Variants in POC1A observed in about 807,000 individuals in gnomAD.
POC1A encodes POC1 centriolar protein homolog A.
A neutral mutation model predicts 47.8 loss-of-function variants in POC1A; 34 were observed. That is an observed-to-expected ratio of 0.71 (90% CI 0.54 to 0.95). The LOEUF (loss-of-function observed/expected upper bound fraction) is 0.95, where lower values mean the gene tolerates loss of function less well. POC1A is among the 40% of genes least tolerant of loss of function. The pLI, the probability that POC1A is intolerant of heterozygous loss-of-function variation, is 0.00. For synonymous variants in POC1A, 177 were observed against 207.6 expected, an observed-to-expected ratio of 0.85 and a Z score of 1.27; for missense variants, 466 against 528.3, an observed-to-expected ratio of 0.88 and a Z score of 1.16.
At chr3:52,110,381 C>T (rs757102930) in intron 9 of POC1A, among the ~76,000 whole-genome samples, 3 of 152,256 alleles carry the variant, frequency 2.0e-5, no homozygotes, top group Non-Finnish European at 4.4e-5. Context: ...AGGATGAGCG[C>T]AACAACACTA....
chr3:52,105,933 G>A (rs113373181), intron 9 of POC1A, among the ~76,000 whole-genome samples: 4,968 of 152,242 alleles, frequency 0.033, 301 homozygotes, highest in African/African-American at 0.11. Context: ...GGTGGCTCAC[G>A]CCTGTAATCC....
intron 9 of POC1A, among the ~76,000 whole-genome samples, chr3:52,103,719 A>G (rs552258364): frequency 5.3e-5 from 8 of 152,262 alleles, no homozygotes; most frequent in African/African-American, 1.4e-4. Flanking sequence ...TCTTTGAAAG[A>G]GCAGAAATGT....
intron 6 of POC1A, among the ~76,000 whole-genome samples, chr3:52,140,844 G>C (rs1698168621): frequency 6.6e-6 from 1 of 152,108 alleles, no homozygotes; most frequent in South Asian, 2.1e-4. Flanking sequence ...CTCATCGTAA[G>C]AACCACCCCT....
At chr3:52,142,518 T>G (rs541144297) in intron 6 of POC1A, among the ~76,000 whole-genome samples, 1 of 152,290 alleles carries the variant, frequency 6.6e-6, no homozygotes, top group Admixed American at 6.5e-5. Context: ...AGTGCCCTCA[T>G]AGAGCACAAC....
chr3:52,082,577 G>A (rs1456990733), intron 10 of POC1A, among the ~76,000 whole-genome samples: 1 of 152,128 alleles, frequency 6.6e-6, no homozygotes, highest in Non-Finnish European at 1.5e-5. Flanking sequence ...TCTGCTCAGG[G>A]GAGACACTGT....
chr3:52,124,011 T>C (rs1322483612), intron 8 of POC1A, among the ~76,000 whole-genome samples: 2 of 152,186 alleles, frequency 1.3e-5, no homozygotes, highest in Non-Finnish European at 2.9e-5. Flanking sequence ...TAACCCAGGC[T>C]GTGGTCAAAG....
intron 9 of POC1A, among the ~76,000 whole-genome samples, chr3:52,105,841 G>A (rs1703158312): frequency 6.6e-6 from 1 of 152,212 alleles, no homozygotes; most frequent in Admixed American, 6.5e-5. Flanking sequence ...GTATGAACAT[G>A]CAGCGTGCCT....
intron 9 of POC1A, among the ~76,000 whole-genome samples, chr3:52,107,458 C>T (rs1019026530): frequency 1.3e-5 from 2 of 152,222 alleles, no homozygotes; most frequent in Non-Finnish European, 2.9e-5. Context: ...GCAGGCAACC[C>T]GCCCTGCCCA....
rs376462132 is a variant in POC1A at position 52,091,986 on chromosome 3, C to A, written c.1125+4583G>T. Among the ~76,000 whole-genome samples the A allele has an allele frequency of 1.8e-4, 27 of 152,308 alleles. No individual in the cohort carries two copies. In the South Asian group the frequency reaches 5.6e-3, roughly 32 times the overall value. ...CCCAGGCTGACAGGCAGGTGGCTCA[C>A]TGGGTGAACAGAGCAGCCCTGAAAC... On this transcript the variant is annotated intron_variant, in intron 10 of 10. Transcript: ENST00000296484.
chr3:52,078,653 G>T (rs1342532821), intron 10 of POC1A, among the ~76,000 whole-genome samples: 1 of 151,760 alleles, frequency 6.6e-6, no homozygotes, highest in East Asian at 1.9e-4. Flanking sequence ...TGGGACTACA[G>T]GCACCCGCCA....
At chr3:52,102,029 C>T (rs1221562027) in intron 9 of POC1A, among the ~76,000 whole-genome samples, 1 of 152,118 alleles carries the variant, frequency 6.6e-6, no homozygotes, top group East Asian at 1.9e-4. Context: ...CTTTTTTTCT[C>T]TGGCTACCTT....
intron 9 of POC1A, among the ~76,000 whole-genome samples, chr3:52,108,851 G>A (rs1351248112): frequency 2.0e-5 from 3 of 152,150 alleles, no homozygotes; most frequent in Non-Finnish European, 2.9e-5. Flanking sequence ...GTTACATCAC[G>A]TCTTCCCTTC....
At position 52,084,491 on chromosome 3, in the gene POC1A, C is replaced by T. The variant is rs774083024; in HGVS notation, c.1126-8506G>A. ...AGGGACCCTAGCTCTTGGGGGCTTC[C>T]GAGCACTGACACAGCTGCAGCACCG... On this transcript the variant is annotated intron_variant, in intron 10 of 10. Transcript: ENST00000296484. This position sits in a 1 kb window ranked among gnomAD's most constrained non-coding sequence, Gnocchi z 4.3. Among the ~76,000 whole-genome samples, 29 of 152,196 alleles carry T rather than the reference C, an allele frequency of 1.9e-4. No individual in the cohort carries two copies. Among genetic ancestry groups the T allele is most frequent in the Non-Finnish European group, 3.7e-4 (25 of 68,034 alleles).
chr3:52,099,929 A>C (rs1702940384), intron 9 of POC1A, among the ~76,000 whole-genome samples: 1 of 152,226 alleles, frequency 6.6e-6, no homozygotes, highest in African/African-American at 2.4e-5. Flanking sequence ...CACCAATTCA[A>C]CAACATTTCA....
rs138680101 is a variant in POC1A at position 52,084,394 on chromosome 3, C to A, written c.1126-8409G>T. Among the ~76,000 whole-genome samples, 2 of 152,198 alleles carry A rather than the reference C, an allele frequency of 1.3e-5. No homozygotes were observed. The highest frequency in any genetic ancestry group is 2.9e-5 in the Non-Finnish European group (2 of 68,036). ...TGAGGAGTTGTGGGACACTCACGAC[C>A]CGCCTTGGGGGCAGCCAACAACATC... On this transcript the variant is annotated intron_variant, in intron 10 of 10. Coordinates refer to ENST00000296484, the MANE Select transcript of POC1A (RefSeq NM_015426.5). This position sits in a 1 kb window ranked among gnomAD's most constrained non-coding sequence, Gnocchi z 4.3.
chr3:52,140,003 C>G (rs1698134833), intron 6 of POC1A, among the ~76,000 whole-genome samples: 1 of 152,246 alleles, frequency 6.6e-6, no homozygotes, highest in Middle Eastern at 3.4e-3. Flanking sequence ...TAACCATGAC[C>G]CTGCCAAGTC....
At chr3:52,108,341 G>A (rs191554107) in intron 9 of POC1A, among the ~76,000 whole-genome samples, 63 of 152,304 alleles carry the variant, frequency 4.1e-4, no homozygotes, top group African/African-American at 1.5e-3. Context: ...CCCCACAGAT[G>A]AGGCATCTAA....
intron 7 of POC1A, among the ~76,000 whole-genome samples, chr3:52,134,517 A>G (rs1231543368): frequency 6.6e-6 from 1 of 152,200 alleles, no homozygotes; most frequent in Non-Finnish European, 1.5e-5. Flanking sequence ...CTGTAATCCC[A>G]GCTACTAGGG....
chr3:52,118,941 G>A (rs188128977), intron 9 of POC1A, among the ~76,000 whole-genome samples: 150 of 151,982 alleles, frequency 9.9e-4, no homozygotes, highest in Non-Finnish European at 9.0e-4. Flanking sequence ...CTTTAGTCAG[G>A]AAAGGCAAAA....
Sources: gnomAD v4.1 joint callset for allele counts (sites outside exome capture counted in the v4.1 genomes callset) on GRCh38, gnomAD v4.1.1 for gene constraint, Gnocchi (gnomAD v3.1) non-coding constraint, MANE v1.5 for transcripts, NCBI Gene and HGNC (gene_info 2026-07-23, HGNC 2026-07-21) for gene names.